DCP2: variants seen among roughly 807,000 people sequenced by gnomAD.
The protein encoded by DCP2 is decapping mRNA 2.
DCP2 carries 30 observed loss-of-function variants against 56.1 expected under a neutral mutation model. The observed-to-expected ratio is 0.53, with a 90% confidence interval of 0.40 to 0.73. The LOEUF (loss-of-function observed/expected upper bound fraction) is 0.73, where lower values mean the gene tolerates loss of function less well. DCP2 is among the 30% of genes least tolerant of loss of function. The pLI is 0.00. For missense variants in DCP2, 533 were observed against 502.7 expected (o/e 1.06, Z -0.58); for synonymous variants, 197 against 163.3 (o/e 1.21, Z -1.57).
chr5:112,990,209 G>C (rs1197174327), intron 2 of DCP2, among the ~76,000 whole-genome samples: 1 of 152,158 alleles, frequency 6.6e-6, no homozygotes, highest in African/African-American at 2.4e-5. Context: ...TGCATACTTT[G>C]ATAAGAGCAT....
intron 4 of DCP2, among the ~76,000 whole-genome samples, chr5:112,993,123 G>T (rs531402583): frequency 2.0e-5 from 3 of 151,986 alleles, no homozygotes; most frequent in Admixed American, 6.6e-5. Flanking sequence ...TTCCTGACAA[G>T]TGCACAATTT....
At chr5:113,003,388 A>G (rs1749270972) in intron 7 of DCP2, among the ~76,000 whole-genome samples, 1 of 152,118 alleles carries the variant, frequency 6.6e-6, no homozygotes, top group Non-Finnish European at 1.5e-5. Context: ...TCTTTCAGCT[A>G]GGATGTGGTC....
chr5:112,995,394 G>C (rs12719155), intron 4 of DCP2, among the ~76,000 whole-genome samples: 113,968 of 152,116 alleles, frequency 0.75, 42,822 homozygotes, highest in African/African-American at 0.78. Context: ...TAAGGAAGGA[G>C]AAAATAGAAA....
At chr5:112,992,383 TGTA>T in intron 3 of DCP2, 135 bp downstream of exon 3, 1 of 1,210,432 alleles carries the variant, frequency 8.3e-7, no homozygotes. Flanking sequence ...GGCCAAGCTT[TGTA>T]TATTTTATCC....
At position 112,985,952 on chromosome 5, in the gene DCP2, A is replaced by G. The variant is rs768792813; in HGVS notation, c.171A>G (p.Leu57=). Residue 57 remains leucine (L), a synonymous_variant, in exon 2 of 11, where the codon TTA becomes TTG. Coordinates refer to ENST00000389063, the MANE Select transcript of DCP2 (RefSeq NM_152624.6). The stretch of plus-strand genomic sequence containing the variant: ...TCTACATGCAGAACACACCAGGATT[A>G]CCTCAGTGTGGGATAAGAGACTTTG... ...LDFYMQNTPG[L]PQCGIRDFAK... The G allele has an allele frequency of 1.3e-6, 2 of 1,587,738 alleles. No homozygotes were observed. The highest frequency in any genetic ancestry group is 1.7e-6 in the Non-Finnish European group (2 of 1,160,124).
intron 1 of DCP2, among the ~76,000 whole-genome samples, chr5:112,985,158 TTGA>T (rs1456015039): frequency 6.6e-6 from 1 of 152,186 alleles, no homozygotes; most frequent in Non-Finnish European, 1.5e-5. Flanking sequence ...TTGACTTAGA[TTGA>T]TGAATTTTAA....
intron 1 of DCP2, chr5:112,984,704 ATATAT>A (rs1162069210): frequency 6.7e-5 from 6 of 89,044 alleles, no homozygotes; most frequent in Middle Eastern, 0.011. Context: ...AAAAAAAAAA[ATATAT>A]ATATATATAT....
chr5:112,996,087 T>A (rs559339011), intron 4 of DCP2, among the ~76,000 whole-genome samples: 11 of 152,126 alleles, frequency 7.2e-5, no homozygotes, highest in Non-Finnish European at 1.5e-4. Flanking sequence ...TACAGTTACA[T>A]GGGGGGTTGA....
At chr5:112,982,628 T>C (rs1748063751) in intron 1 of DCP2, among the ~76,000 whole-genome samples, 1 of 152,244 alleles carries the variant, frequency 6.6e-6, no homozygotes, top group Non-Finnish European at 1.5e-5. Flanking sequence ...CTTCCACTGC[T>C]TCCGTTGGTT....
At position 113,010,365 on chromosome 5, in the gene DCP2, G is replaced by C. The variant is rs906288548; in HGVS notation, c.1048-391G>C. ...CTGGCCACCTCAGCTAAATTAGTTA[G>C]CCCTGGCTGATTTTTATGTTTTATA... On this transcript the variant is annotated intron_variant, in intron 9 of 10. Transcript: ENST00000389063. Among the ~76,000 whole-genome samples the C allele has an allele frequency of 3.9e-5, 6 of 152,024 alleles. No homozygotes were observed. In the East Asian group the frequency reaches 1.2e-3, roughly 29 times the overall value.
rs1307398035 is a variant in DCP2, at chr5:113,019,434, T to C, written c.*5950T>C. The C allele has an allele frequency of 1.3e-5, 2 of 152,246 alleles. No individual in the cohort carries two copies. Among genetic ancestry groups the C allele is most frequent in the South Asian group, 2.1e-4 (1 of 4,838 alleles). 9.4% of individuals were successfully genotyped at this position (152,246 alleles called of 1,614,324 possible). On this transcript the variant is annotated 3_prime_UTR_variant, in exon 11 of 11. Coordinates refer to ENST00000389063, the MANE Select transcript of DCP2 (RefSeq NM_152624.6). ...AGAGTTTCTTTGTGCATTTCACTAC[T>C]GTTCTAGGGGACTGCTGTCTCTTTG...
intron 2 of DCP2, among the ~76,000 whole-genome samples, chr5:112,989,353 A>AT (rs1189422265): frequency 6.6e-6 from 1 of 152,094 alleles, no homozygotes; most frequent in Non-Finnish European, 1.5e-5. Context: ...AGAAACACAT[A>AT]TATTTGTACA....
At chr5:113,006,630 A>G (rs1012051046) in intron 8 of DCP2, among the ~76,000 whole-genome samples, 11 of 152,048 alleles carry the variant, frequency 7.2e-5, no homozygotes, top group Non-Finnish European at 1.5e-4. Flanking sequence ...TTATATATAT[A>G]TATTTTAGAA....
At chr5:112,995,483 GT>G (rs2150179018) in intron 4 of DCP2, among the ~76,000 whole-genome samples, 1 of 152,314 alleles carries the variant, frequency 6.6e-6, no homozygotes, top group African/African-American at 2.4e-5. Flanking sequence ...TAAGGTGGTT[GT>G]CCAGGTCAGG....
Position 113,018,625 on chromosome 5 carries a change from C to G in DCP2, c.*5141C>G, listed in dbSNP as rs1463671872. 2 of 152,154 alleles carry G rather than the reference C, an allele frequency of 1.3e-5. No homozygotes were observed. The highest frequency in any genetic ancestry group is 4.8e-5 in the African/African-American group (2 of 41,400). The allele number at this position is 152,154 out of a possible 1,614,324, so 9.4% of individuals were successfully genotyped here. A position where few individuals can be genotyped will look rare whatever the true frequency, so the allele number is the denominator to read the frequency against. The stretch of plus-strand genomic sequence containing the variant: ...AATGGCCCTGAATATGTGTTTTCTG[C>G]TTTTTGGTGGAAGGTTTCCTGCAGG... On this transcript the variant is annotated 3_prime_UTR_variant, in exon 11 of 11. Transcript: ENST00000389063.
chr5:112,991,711 A>G (rs964272135), intron 2 of DCP2, among the ~76,000 whole-genome samples: 5 of 152,044 alleles, frequency 3.3e-5, no homozygotes, highest in East Asian at 1.9e-4. Context: ...ATGTAATTCT[A>G]TTTCTTGTTA....
intron 1 of DCP2, among the ~76,000 whole-genome samples, chr5:112,980,826 T>C (rs1261249529): frequency 1.3e-5 from 2 of 152,202 alleles, no homozygotes; most frequent in African/African-American, 2.4e-5. Context: ...TGAGTTCTTC[T>C]GGTGGATACC....
chr5:113,012,326 C>T (rs1390623765), intron 10 of DCP2, among the ~76,000 whole-genome samples: 1 of 152,122 alleles, frequency 6.6e-6, no homozygotes, highest in Non-Finnish European at 1.5e-5. Context: ...TCACTGTACT[C>T]CAGTTTGGGC....
At position 112,990,129 on chromosome 5, in the gene DCP2, G is replaced by A. The variant is rs564111665; in HGVS notation, c.206-1992G>A. On this transcript the variant is annotated intron_variant, in intron 2 of 10. Coordinates refer to ENST00000389063, the MANE Select transcript of DCP2 (RefSeq NM_152624.6). ...CATTGGCAAGAAAATGAGAAATGTA[G>A]GGAATTGATGGGTTCTGTTATGGGC... 8.5e-5 allele frequency among the ~76,000 whole-genome samples: 13 copies of A among 152,292 alleles called. No homozygotes were observed. In the East Asian group the frequency reaches 1.2e-3, roughly 14 times the overall value.
Sources: gnomAD v4.1 joint callset for allele counts (sites outside exome capture counted in the v4.1 genomes callset) on GRCh38, gnomAD v4.1.1 for gene constraint, MANE v1.5 for transcripts, NCBI Gene and HGNC (gene_info 2026-07-23, HGNC 2026-07-21) for gene names.